Variants in PKD1 observed in about 807,000 individuals in gnomAD.
The protein encoded by PKD1 is polycystin 1, transient receptor potential channel interacting, also known as polycystin-1.
Under a neutral mutation model 361.7 loss-of-function variants are expected in PKD1, and 81 were observed. The observed-to-expected ratio is 0.22, with a 90% confidence interval of 0.19 to 0.27. The LOEUF is 0.27. PKD1 is among the 10% of genes least tolerant of loss of function. The probability of loss-of-function intolerance (pLI) is 1.00; values close to 1 mark genes in which losing one functional copy is unlikely to be tolerated. For missense variants in PKD1, 6,399 were observed against 6,118.3 expected, an observed-to-expected ratio of 1.05 and a Z score of -1.53; for synonymous variants, 3,615 against 2,818.3, an observed-to-expected ratio of 1.28 and a Z score of -8.95.
chr16:2,129,318 T>C (rs1396371458), intron 1 of PKD1, among the ~76,000 whole-genome samples: 3 of 150,486 alleles, frequency 2.0e-5, no homozygotes, highest in Non-Finnish European at 4.4e-5. Context: ...ACCACTAATA[T>C]CTATTTATTG....
rs779510789 is a variant in PKD1 at position 2,097,498 on chromosome 16, A to G, written c.10226T>C (p.Val3409Ala). 6.2e-7 allele frequency: 1 copy of G among 1,601,840 alleles called. No homozygotes were observed. Among genetic ancestry groups the G allele is most frequent in the South Asian group, 1.1e-5 (1 of 91,004 alleles). Reference sequence around the variant, plus strand: ...CGTTCCCTCGCCGGAGGGCCAGCACACCAGACTGCAGGTGGCGCGGGTCAG... The same window carrying G: ...CGTTCCCTCGCCGGAGGGCCAGCACGCCAGACTGCAGGTGGCGCGGGTCAG... ...DLFLDDSKSL[V>A]CWPSGEGTLS... The change falls in exon 33 of 46, where the codon GTG becomes GCG. Residue 3409 changes from valine (V) to alanine (A), a missense_variant. By Grantham distance (64) the Val-to-Ala change is moderately conservative. Coordinates refer to ENST00000262304, the MANE Select transcript of PKD1 (RefSeq NM_001009944.3).
At position 2,111,627 on chromosome 16, in the gene PKD1, G is replaced by C. The variant is rs752576038; in HGVS notation, c.3540C>G (p.Thr1180=). ...LTQSQPAANH[T]YASRGTYHVR... ...CGTGGTAGGTGCCCCTCGAGGCATA[G>C]GTGTGGTTGGCAGCCGGCTGGCTCT... Residue 1180 remains threonine (T), a synonymous_variant, in exon 15 of 46, where the codon ACC becomes ACG. Transcript: ENST00000262304. 2 of 1,575,210 alleles carry C rather than the reference G, an allele frequency of 1.3e-6. No individual in the cohort carries two copies. The highest frequency in any genetic ancestry group is 2.3e-5 in the East Asian group (1 of 42,964).
In PKD1 at chr16:2,089,884, C is replaced by A; in HGVS notation, c.12755G>T (p.Ser4252Ile). 1.2e-6 allele frequency: 2 copies of A among 1,610,710 alleles called. No homozygotes were observed. Among genetic ancestry groups the A allele is most frequent in the Non-Finnish European group, 1.7e-6 (2 of 1,179,262 alleles). ...QLHSLQGRRS[S>I]RAPAGSSRGP... ...ACGGGAAGATCCGGCGGGCGCCCGG[C>A]TGCTCCTGCGGCCTTGCAGGCTGTG... Residue 4252 changes from serine to isoleucine, a missense_variant, in exon 46 of 46, where the codon AGC becomes ATC. By Grantham distance (142) the Ser-to-Ile change is moderately radical. Coordinates refer to ENST00000262304, the MANE Select transcript of PKD1 (RefSeq NM_001009944.3).
At position 2,091,851 on chromosome 16, in the gene PKD1, G is replaced by T. The variant is rs761411408; in HGVS notation, c.11467C>A (p.Leu3823Met). ...CGGCTCTCCTCCAGGCTCAGGCCCAGCTCCTGCACGTAGCCCCCGCTGTCA... is the reference window on the plus strand; with the variant it reads ...CGGCTCTCCTCCAGGCTCAGGCCCATCTCCTGCACGTAGCCCCCGCTGTCA... ...VYDSGGYVQELGLSLEESRDR... is the reference protein window; with the variant it reads ...VYDSGGYVQEMGLSLEESRDR... Residue 3823 changes from leucine (L) to methionine (M), a missense_variant, in exon 41 of 46, where the codon CTG (leucine) becomes ATG (methionine). By Grantham distance (15) the Leu-to-Met change is conservative (BLOSUM62 2). Transcript: ENST00000262304. The T allele has an allele frequency of 5.0e-6, 8 of 1,610,298 alleles. No individual in the cohort carries two copies. In the South Asian group the frequency reaches 8.8e-5, roughly 18 times the overall value.
chr16:2,094,451 C>G (rs2091757161), intron 34 of PKD1, among the ~76,000 whole-genome samples: 1 of 152,202 alleles, frequency 6.6e-6, no homozygotes, highest in South Asian at 2.1e-4. Context: ...CCGCTTGCTG[C>G]TGATAAACCC....
chr16:2,089,985 C>G lies in PKD1; in HGVS notation c.12654G>C (p.Val4218=), dbSNP rs758435618. The G allele has an allele frequency of 8.7e-6, 14 of 1,611,640 alleles. No homozygotes were observed. The highest frequency in any genetic ancestry group is 2.7e-5 in the African/African-American group (2 of 74,922). ...CEPEPSRLQA[V]FEALLTQFDR... is the part of the protein sequence containing the mutation. ...CAAACTGGGTGAGCAGGGCCTCGAA[C>G]ACGGCTTGGAGGCGGGAGGGCTCAG... Residue 4218 remains valine (V), a synonymous_variant, in exon 46 of 46, where the codon GTG becomes GTC. Coordinates refer to ENST00000262304, the MANE Select transcript of PKD1 (RefSeq NM_001009944.3).
intron 1 of PKD1, among the ~76,000 whole-genome samples, chr16:2,125,492 CG>C (rs1183993111): frequency 6.6e-6 from 1 of 151,298 alleles, no homozygotes; most frequent in Non-Finnish European, 1.5e-5. Flanking sequence ...GATGAGATGC[CG>C]GGGGTGACAT....
chr16:2,113,661 G>T, intron 11 of PKD1: 2 of 397,900 alleles, frequency 5.0e-6, no homozygotes, highest in Non-Finnish European at 4.7e-6. Flanking sequence ...ACCTACACTG[G>T]CTTACAGAAC....
Position 2,088,905 on chromosome 16 carries a change from C to T in PKD1, c.*822G>A, listed in dbSNP as rs886297772. On this transcript the variant is annotated 3_prime_UTR_variant, in exon 46 of 46. Coordinates refer to ENST00000262304, the MANE Select transcript of PKD1 (RefSeq NM_001009944.3). Reference sequence around the variant, plus strand: ...CGCACACACACACACACACAGTCACCTTCCTCCACCCTGGGAGCCAGCCCC... The same window carrying T: ...CGCACACACACACACACACAGTCACTTTCCTCCACCCTGGGAGCCAGCCCC... The T allele has an allele frequency of 2.0e-5, 8 of 406,384 alleles. No homozygotes were observed. Among genetic ancestry groups the T allele is most frequent in the East Asian group, 8.7e-5 (2 of 22,894 alleles). The allele number at this position is 406,384 out of a possible 1,614,324, so 25.2% of individuals were successfully genotyped here. A position where few individuals can be genotyped will look rare whatever the true frequency, so the allele number is the denominator to read the frequency against.
chr16:2,091,516 G>C lies in PKD1; in HGVS notation c.11619C>G (p.Phe3873Leu). The C allele has an allele frequency of 6.8e-7, 1 of 1,463,690 alleles. No homozygotes were observed. 90.7% of individuals were successfully genotyped at this position (1,463,690 alleles called of 1,614,324 possible). Residue 3873 changes from phenylalanine to leucine, a missense_variant, in exon 42 of 46, where the codon TTC (phenylalanine) becomes TTG (leucine). Physicochemically the swap from Phe to Leu is conservative, Grantham distance 22. Transcript: ENST00000262304. ...LHAAVTLRLE[F>L]PAAGRALAAL... ...CGGCCAGGGCGCGGCCGGCCGCCGG[G>C]AACTCGAGGCGCAGCGTGACGGCGG... is the stretch of plus-strand genomic sequence containing the variant.
At chr16:2,113,578 G>C (rs56326527) in intron 11 of PKD1, among the ~76,000 whole-genome samples, 13,128 of 152,204 alleles carry the variant, frequency 0.086, 806 homozygotes, top group Non-Finnish European at 0.13. Context: ...ACCTCTCTCT[G>C]AGTCTTCTCA....
rs747901280 is a variant in PKD1 at position 2,090,360 on chromosome 16, C to A, written c.12369G>T (p.Glu4123Asp). The change falls in exon 45 of 46, where the codon GAG (glutamate) becomes GAT (aspartate). Residue 4123 changes from glutamate (E) to aspartate (D), a missense_variant. Glu to Asp is a conservative substitution (Grantham distance 45). Transcript: ENST00000262304. The part of the protein sequence containing the change: ...LRGELYRPAW[E>D]PQDYEMVELF... The stretch of plus-strand genomic sequence containing the variant: ...ACTCCACCATCTCGTAGTCCTGGGG[C>A]TCCCAGGCCGGCCGGTACAGCTCTC... 2.5e-6 allele frequency: 4 copies of A among 1,612,616 alleles called. No homozygotes were observed. The South Asian group carries it at 3.3e-5, about 13-fold the overall frequency.
intron 1 of PKD1, among the ~76,000 whole-genome samples, chr16:2,127,891 C>G (rs1249173677): frequency 7.3e-6 from 1 of 136,866 alleles, no homozygotes; most frequent in Non-Finnish European, 1.6e-5. Flanking sequence ...AGGGACACAG[C>G]AGGGATGAGC....
intron 1 of PKD1, chr16:2,123,554 G>A (rs1046620015): frequency 5.9e-5 from 27 of 455,422 alleles, no homozygotes; most frequent in African/African-American, 3.0e-4. Flanking sequence ...GCAGCCTCGC[G>A]CCAGCCCCCC....
chr16:2,103,012 A>G (rs1329368166), intron 23 of PKD1, 42 bp from the exon 24 acceptor site: 4 of 1,595,338 alleles, frequency 2.5e-6, no homozygotes, highest in Non-Finnish European at 3.4e-6. Flanking sequence ...CGGGAAGCTC[A>G]ACCACCCGGG....
At position 2,103,552 on chromosome 16, in the gene PKD1, G is replaced by A. The variant is rs749242230; in HGVS notation, c.8505C>T (p.Pro2835=). The A allele has an allele frequency of 3.0e-5, 48 of 1,609,566 alleles. No individual in the cohort carries two copies. The highest frequency in any genetic ancestry group is 3.7e-5 in the Non-Finnish European group (44 of 1,179,722). ...CGGTGTAGTTGCTGATATAGCCAAA[G>A]GGAAAGGGATTGGAGTCCACCAGAA... is the stretch of plus-strand genomic sequence containing the variant. ...LIFLVDSNPF[P]FGYISNYTVS... is the part of the protein sequence containing the mutation. Residue 2835 remains proline, a synonymous_variant, in exon 23 of 46, where the codon CCC becomes CCT. Transcript: ENST00000262304.
In PKD1 at chr16:2,089,825, T is replaced by A; in HGVS notation, c.12814A>T (p.Ser4272Cys). 3 of 1,602,838 alleles carry A rather than the reference T, an allele frequency of 1.9e-6. No individual in the cohort carries two copies. Among genetic ancestry groups the A allele is most frequent in the Non-Finnish European group, 2.6e-6 (3 of 1,175,384 alleles). Reference sequence around the variant, plus strand: ...CCCCGACTGGCCCGGGCAAGGCGGCTGGGCAGTGCTGGCCGCAGGCCCGGG... The same window carrying A: ...CCCCGACTGGCCCGGGCAAGGCGGCAGGGCAGTGCTGGCCGCAGGCCCGGG... ...PSPGLRPALPSRLARASRGVD... is the reference protein window; with the variant it reads ...PSPGLRPALPCRLARASRGVD... Residue 4272 changes from serine (S) to cysteine (C), a missense_variant, in exon 46 of 46, where the codon AGC (serine) becomes TGC (cysteine). Transcript: ENST00000262304.
Position 2,112,906 on chromosome 16 carries a change from G to T in PKD1, c.3043C>A (p.Arg1015=). The change falls in exon 13 of 46, where the codon CGG becomes AGG. Residue 1015 remains arginine, a synonymous_variant. Coordinates refer to ENST00000262304, the MANE Select transcript of PKD1 (RefSeq NM_001009944.3). ...TGCAGACCCTGCATCCTGTTCATCC[G>T]CTCCACGGTTACGTTGTAGTTCACG... ...VTVNYNVTVE[R]MNRMQGLQVS... 6.2e-7 allele frequency: 1 copy of T among 1,606,490 alleles called. No homozygotes were observed. The highest frequency in any genetic ancestry group is 8.5e-7 in the Non-Finnish European group (1 of 1,179,754).
rs550156924 is a variant in PKD1 at position 2,106,749 on chromosome 16, G to C, written c.7209+56C>G. On this transcript the variant is annotated intron_variant, in intron 17 of 45. Coordinates refer to ENST00000262304, the MANE Select transcript of PKD1 (RefSeq NM_001009944.3). The surrounding 1 kb of genome is among the most constrained non-coding windows in gnomAD (Gnocchi z 6.5). ...AGCCCCACTTCTGCCTGCAGGCCCC[G>C]TCCCCTCGGCCATGGGACCCATCCC... The C allele has an allele frequency of 2.0e-6, 3 of 1,502,754 alleles. No homozygotes were observed. Among genetic ancestry groups the C allele is most frequent in the Admixed American group, 1.7e-5 (1 of 57,630 alleles). 93.1% of individuals were successfully genotyped at this position (1,502,754 alleles called of 1,614,324 possible). A position where few individuals can be genotyped will look rare whatever the true frequency, so the allele number is the denominator to read the frequency against.
Sources: allele counts gnomAD v4.1 joint callset (sites outside exome capture counted in the v4.1 genomes callset), GRCh38; gene constraint gnomAD v4.1.1; non-coding constraint Gnocchi (gnomAD v3.1); transcripts MANE v1.5; gene names NCBI Gene and HGNC (gene_info 2026-07-23, HGNC 2026-07-21).